ENPP1: variants seen among roughly 807,000 people sequenced by gnomAD.
The protein encoded by ENPP1 is ectonucleotide pyrophosphatase/phosphodiesterase family member 1.
A neutral mutation model predicts 122.8 loss-of-function variants in ENPP1; 73 were observed. The ratio of observed to expected loss-of-function variants is 0.59; its 90% CI spans 0.49 to 0.72. ENPP1 has a LOEUF of 0.72. ENPP1 is among the 30% of genes least tolerant of loss of function. The pLI, the probability that ENPP1 is intolerant of heterozygous loss-of-function variation, is 0.00. For synonymous variants in ENPP1, 367 were observed against 391.6 expected (o/e 0.94, Z 0.74); for missense variants, 978 against 1,128.1 (o/e 0.87, Z 1.91).
At chr6:131,835,241 CTT>C (rs1306980329) in intron 1 of ENPP1, among the ~76,000 whole-genome samples, 1 of 152,096 alleles carries the variant, frequency 6.6e-6, no homozygotes, top group Non-Finnish European at 1.5e-5. Flanking sequence ...TTAAGCCAGT[CTT>C]TTAATTTGAT....
intron 5 of ENPP1, among the ~76,000 whole-genome samples, chr6:131,854,576 C>A (rs181549148): frequency 1.3e-5 from 2 of 152,048 alleles, no homozygotes; most frequent in Admixed American, 1.3e-4. Context: ...TATTTTCCTG[C>A]AAATTGGGAA....
At chr6:131,837,520 C>CAAAAA (rs34431136) in intron 1 of ENPP1, among the ~76,000 whole-genome samples, 1 of 81,942 alleles carries the variant, frequency 1.2e-5, no homozygotes, top group African/African-American at 3.9e-5. Context: ...GACTCTGTCT[C>CAAAAA]AAAAAAAAAA....
rs1162818573 is a variant in ENPP1, at chr6:131,868,056, T to G, written c.1203T>G (p.Gly401=). The part of the protein sequence containing the change: ...KALQRVDGMV[G]MLMDGLKELN... The stretch of plus-strand genomic sequence containing the variant: ...TGCAGAGGGTTGATGGTATGGTTGG[T>G]ATGCTGATGGATGGTCTGAAAGAGC... The change falls in exon 12 of 25, where the codon GGT becomes GGG. Residue 401 remains glycine (G), a synonymous_variant. Coordinates refer to ENST00000647893, the MANE Select transcript of ENPP1 (RefSeq NM_006208.3). 2.5e-6 allele frequency: 4 copies of G among 1,613,818 alleles called. No homozygotes were observed. In the East Asian group the frequency reaches 8.9e-5, roughly 36 times the overall value.
chr6:131,884,398 A>G (rs890833192), intron 22 of ENPP1, among the ~76,000 whole-genome samples: 2 of 152,188 alleles, frequency 1.3e-5, no homozygotes, highest in Admixed American at 6.5e-5. Flanking sequence ...GGATGTCTCA[A>G]AGAGAGTTGG....
intron 24 of ENPP1, among the ~76,000 whole-genome samples, chr6:131,890,095 C>A (rs975564743): frequency 6.6e-6 from 1 of 152,162 alleles, no homozygotes; most frequent in Non-Finnish European, 1.5e-5. Flanking sequence ...CTATGTAATG[C>A]AGGACCATCT....
At chr6:131,865,207 G>A (rs983354066) in intron 11 of ENPP1, among the ~76,000 whole-genome samples, 2 of 152,054 alleles carry the variant, frequency 1.3e-5, no homozygotes, top group Non-Finnish European at 2.9e-5. Flanking sequence ...CCACTCCATC[G>A]CCCCTTACCT....
In ENPP1 at chr6:131,891,315, A is replaced by G. The variant is rs114078048; in HGVS notation, c.*804A>G. Reference sequence around the variant, plus strand: ...GTTAAAATTGTACCTTATCTTGGCAAAACTTCAGAGCACCAGTCAGTGCAT... The same window carrying G: ...GTTAAAATTGTACCTTATCTTGGCAGAACTTCAGAGCACCAGTCAGTGCAT... On this transcript the variant is annotated 3_prime_UTR_variant, in exon 25 of 25. Coordinates refer to ENST00000647893, the MANE Select transcript of ENPP1 (RefSeq NM_006208.3). 9.1e-4 allele frequency: 137 copies of G among 149,818 alleles called. No homozygotes were observed. Among genetic ancestry groups the G allele is most frequent in the African/African-American group, 2.9e-3 (119 of 41,416 alleles). The allele number at this position is 149,818 out of a possible 1,614,324, so 9.3% of individuals were successfully genotyped here.
At chr6:131,818,450 T>A (rs972608195) in intron 1 of ENPP1, among the ~76,000 whole-genome samples, 15 of 151,874 alleles carry the variant, frequency 9.9e-5, no homozygotes, top group Non-Finnish European at 1.0e-4. Context: ...ATCGAGACCA[T>A]CCTGGCTAAC....
chr6:131,828,643 T>C (rs1014117008), intron 1 of ENPP1, among the ~76,000 whole-genome samples: 1 of 152,174 alleles, frequency 6.6e-6, no homozygotes, highest in Admixed American at 6.5e-5. Flanking sequence ...GAGTGTGGTA[T>C]TGAAAACACG....
chr6:131,885,013 G>GA lies in ENPP1; in HGVS notation c.2394_2395insA (p.Phe799IlefsTer2). 1 of 1,614,050 alleles carries GA rather than the reference G, an allele frequency of 6.2e-7. No homozygotes were observed. The highest frequency in any genetic ancestry group is 8.5e-7 in the Non-Finnish European group (1 of 1,179,972). On this transcript the variant is annotated frameshift_variant, in exon 23 of 25. Coordinates refer to ENST00000647893, the MANE Select transcript of ENPP1 (RefSeq NM_006208.3). LOFTEE classifies it high-confidence loss of function. ...GTGTCAATGTCGTCAGTGGTCCTGT[G>GA]TTTGACTTTGATTATGATGGACGTT...
chr6:131,814,246 C>T (rs553508474), intron 1 of ENPP1, among the ~76,000 whole-genome samples: 4 of 152,218 alleles, frequency 2.6e-5, no homozygotes, highest in African/African-American at 7.2e-5. Context: ...CAAGAGTTCA[C>T]GACCTACCTG....
chr6:131,810,889 C>T (rs1314085889), intron 1 of ENPP1, among the ~76,000 whole-genome samples: 2 of 152,202 alleles, frequency 1.3e-5, no homozygotes, highest in East Asian at 3.9e-4. Context: ...GGTGGTTGAT[C>T]TTAGGAGAGG....
At chr6:131,810,461 A>ACCCCCCCCC (rs1554275395) in intron 1 of ENPP1, among the ~76,000 whole-genome samples, 1 of 119,050 alleles carries the variant, frequency 8.4e-6, no homozygotes, top group Non-Finnish European at 1.8e-5. Flanking sequence ...CCCCCCCCAA[A>ACCCCCCCCC]AACTTCCCCA....
At chr6:131,820,622 T>G (rs1781473107) in intron 1 of ENPP1, 1 of 152,196 alleles carries the variant, frequency 6.6e-6, no homozygotes, top group Non-Finnish European at 1.5e-5. Flanking sequence ...GATTGTATCC[T>G]TACATTCTTT....
rs775508493 is a variant in ENPP1, at chr6:131,869,433, T to C, written c.1349T>C (p.Ile450Thr). 1 of 1,613,098 alleles carries C rather than the reference T, an allele frequency of 6.2e-7. No homozygotes were observed. Among genetic ancestry groups the C allele is most frequent in the African/African-American group, 1.3e-5 (1 of 74,996 alleles). ...YLGDVKNIKV[I>T]YGPAARLRPS... The stretch of plus-strand genomic sequence containing the variant: ...GGGGATGTTAAAAATATTAAAGTTA[T>C]CTATGGACCTGCAGCTCGATTGAGA... Residue 450 changes from isoleucine (I) to threonine (T), a missense_variant, in exon 13 of 25, where the codon ATC becomes ACC. By Grantham distance (89) the Ile-to-Thr change is moderately conservative (BLOSUM62 -1). This residue lies in a region of ENPP1 where 644 missense variants were observed against 781.5 expected (regional missense o/e 0.82). Transcript: ENST00000647893.
chr6:131,813,020 T>C (rs1406482237), intron 1 of ENPP1, among the ~76,000 whole-genome samples: 1 of 152,062 alleles, frequency 6.6e-6, no homozygotes, highest in East Asian at 1.9e-4. Context: ...TTTTGTATTT[T>C]AGTAGAGACA....
chr6:131,818,373 G>A (rs1251453474), intron 1 of ENPP1, among the ~76,000 whole-genome samples: 1 of 151,874 alleles, frequency 6.6e-6, no homozygotes, highest in Non-Finnish European at 1.5e-5. Context: ...GAGGCTGGTC[G>A]CGGTGGCTCA....
intron 15 of ENPP1, 82 bp downstream of exon 15, chr6:131,873,132 T>C: frequency 1.4e-6 from 2 of 1,444,950 alleles, no homozygotes; most frequent in Admixed American, 1.7e-5. Context: ...TCTAACAATA[T>C]TGTTATGTGA....
chr6:131,819,097 ATGT>A (rs1781453164), intron 1 of ENPP1, among the ~76,000 whole-genome samples: 1 of 152,172 alleles, frequency 6.6e-6, no homozygotes. Flanking sequence ...GTTTTTTTTC[ATGT>A]TGTTTAATGA....
Sources: allele counts gnomAD v4.1 joint callset (sites outside exome capture counted in the v4.1 genomes callset), GRCh38; gene constraint gnomAD v4.1.1; regional missense constraint gnomAD v4.1.1; transcripts MANE v1.5; gene names NCBI Gene and HGNC (gene_info 2026-07-23, HGNC 2026-07-21).